Variants in STK3 observed in about 807,000 individuals in gnomAD.
The protein encoded by STK3 is serine/threonine-protein kinase 3.
Under a neutral mutation model 58.0 loss-of-function variants are expected in STK3, and 41 were observed. That is an observed-to-expected ratio of 0.71 (90% CI 0.55 to 0.92). The LOEUF is 0.92. STK3 is among the 40% of genes least tolerant of loss of function. The pLI, the probability that STK3 is intolerant of heterozygous loss-of-function variation, is 0.00. For missense variants in STK3, 479 were observed against 602.7 expected (o/e 0.79, Z 2.15); for synonymous variants, 170 against 191.0 (o/e 0.89, Z 0.91).
At chr8:98,476,393 G>C (rs1821311475) in intron 10 of STK3, among the ~76,000 whole-genome samples, 1 of 152,134 alleles carries the variant, frequency 6.6e-6, no homozygotes, top group Non-Finnish European at 1.5e-5. Flanking sequence ...GAATTACAAA[G>C]GACACTGACA....
At chr8:98,564,231 CCAAAACTCT>C (rs1812287992) in intron 8 of STK3, among the ~76,000 whole-genome samples, 1 of 152,026 alleles carries the variant, frequency 6.6e-6, no homozygotes, top group Non-Finnish European at 1.5e-5. Flanking sequence ...CCATTATTAC[CCAAAACTCT>C]CAAGGTCACC....
At chr8:98,864,769 A>G (rs1019263765) in intron 3 of STK3, among the ~76,000 whole-genome samples, 14 of 152,210 alleles carry the variant, frequency 9.2e-5, no homozygotes, top group African/African-American at 2.9e-4. Context: ...TATCTGTCAC[A>G]TAACACTCTG....
intron 10 of STK3, among the ~76,000 whole-genome samples, chr8:98,483,152 T>G (rs1370173694): frequency 6.6e-6 from 1 of 152,160 alleles, no homozygotes. Context: ...TAATTTCAGC[T>G]TGCTCAAGTC....
chr8:98,848,591 G>A (rs535968566), intron 3 of STK3, among the ~76,000 whole-genome samples: 195 of 152,194 alleles, frequency 1.3e-3, no homozygotes, highest in African/African-American at 4.4e-3. Flanking sequence ...TCATATGAAT[G>A]GAATCATATA....
chr8:98,615,100 G>A (rs1033331254), intron 6 of STK3, among the ~76,000 whole-genome samples: 4 of 151,622 alleles, frequency 2.6e-5, no homozygotes, highest in Admixed American at 1.3e-4. Flanking sequence ...CTCCCAGCAC[G>A]CAGCTGGAGA....
At chr8:98,671,704 C>T (rs189186311) in intron 6 of STK3, among the ~76,000 whole-genome samples, 3 of 152,168 alleles carry the variant, frequency 2.0e-5, no homozygotes, top group Non-Finnish European at 2.9e-5. Flanking sequence ...ACCTCAGCTT[C>T]CAGAGTAGCT....
intron 6 of STK3, among the ~76,000 whole-genome samples, chr8:98,695,856 G>C (rs892407850): frequency 6.6e-6 from 1 of 152,032 alleles, no homozygotes; most frequent in African/African-American, 2.4e-5. Context: ...GGCTCTTTTT[G>C]GGTTCCATAT....
intron 1 of STK3, among the ~76,000 whole-genome samples, chr8:98,780,598 CATT>C (rs1247413324): frequency 6.6e-6 from 1 of 151,382 alleles, no homozygotes; most frequent in African/African-American, 2.4e-5. Context: ...TAAAAAATGT[CATT>C]ATTTTATTTT....
At chr8:98,369,758 A>C (rs973698021), downstream of STK3, among the ~76,000 whole-genome samples, 2 of 152,144 alleles carry the variant, frequency 1.3e-5, no homozygotes, top group African/African-American at 4.8e-5. Flanking sequence ...CCCACCCAAA[A>C]TTTTGTTCAA....
chr8:98,711,955 C>T (rs1190726207), intron 4 of STK3, among the ~76,000 whole-genome samples: 1 of 152,176 alleles, frequency 6.6e-6, no homozygotes, highest in Non-Finnish European at 1.5e-5. Flanking sequence ...ACTCTACAAG[C>T]CAGAAGACAG....
intron 6 of STK3, among the ~76,000 whole-genome samples, chr8:98,696,958 T>C (rs1249384099): frequency 6.6e-6 from 1 of 152,230 alleles, no homozygotes; most frequent in East Asian, 1.9e-4. Flanking sequence ...GTACCTCTGG[T>C]AGAATTCGGC....
chr8:98,552,247 T>C (rs946034970), intron 8 of STK3, among the ~76,000 whole-genome samples: 1 of 152,120 alleles, frequency 6.6e-6, no homozygotes, highest in Non-Finnish European at 1.5e-5. Context: ...ACTGTTCTTA[T>C]TGTTTCCATT....
At chr8:98,355,841 C>T in the STK3 span, among the ~76,000 whole-genome samples, 11 of 152,174 alleles carry the variant, frequency 7.2e-5, no homozygotes, top group African/African-American at 2.7e-4. Context: ...ATTTCCTGGT[C>T]CCCTGAGGTT....
Position 98,744,589 on chromosome 8 carries a change from G to C in STK3, c.351+4687C>G, listed in dbSNP as rs1387202935. On this transcript the variant is annotated intron_variant, in intron 4 of 10. Transcript: ENST00000419617. ...GCACTCTGGGGACTGTTGTGGGGTG[G>C]GGGGTGGGGGGAGGGATAGCATTAG... is the stretch of plus-strand genomic sequence containing the variant. 2.8e-5 allele frequency among the ~76,000 whole-genome samples: 3 copies of C among 107,410 alleles called. No individual in the cohort carries two copies. The East Asian group carries it at 1.0e-3, about 36-fold the overall frequency. The allele number at this position is 107,410 out of a possible 152,430, so 70.5% of individuals were successfully genotyped here.
At chr8:98,478,964 T>A (rs1242576474) in intron 10 of STK3, among the ~76,000 whole-genome samples, 1 of 152,216 alleles carries the variant, frequency 6.6e-6, no homozygotes, top group African/African-American at 2.4e-5. Context: ...GTGGCAGTGG[T>A]ACTTGCTGCT....
At chr8:98,861,319 T>C (rs1452602185) in intron 3 of STK3, among the ~76,000 whole-genome samples, 3 of 151,678 alleles carry the variant, frequency 2.0e-5, no homozygotes, top group Non-Finnish European at 4.4e-5. Flanking sequence ...TCTTGCAATG[T>C]ATTCTTAGGG....
At chr8:98,406,877 TG>T (rs1817999742) in intron 3 of STK3, among the ~76,000 whole-genome samples, 1 of 152,154 alleles carries the variant, frequency 6.6e-6, no homozygotes, top group African/African-American at 2.4e-5. Flanking sequence ...GACACATGCC[TG>T]GGGGTACAGC....
chr8:98,681,585 A>G (rs1197196508), intron 6 of STK3, among the ~76,000 whole-genome samples: 1 of 152,274 alleles, frequency 6.6e-6, no homozygotes, highest in Non-Finnish European at 1.5e-5. Context: ...CATAATACTT[A>G]AAATGAATGT....
At chr8:98,510,188 TAG>T (rs1824398672) in intron 10 of STK3, among the ~76,000 whole-genome samples, 1 of 152,126 alleles carries the variant, frequency 6.6e-6, no homozygotes, top group South Asian at 2.1e-4. Context: ...GAAGAATTAC[TAG>T]AGACAATAGA....
Sources: allele counts gnomAD v4.1 joint callset (sites outside exome capture counted in the v4.1 genomes callset), GRCh38; gene constraint gnomAD v4.1.1; transcripts MANE v1.5; gene names NCBI Gene and HGNC (gene_info 2026-07-23, HGNC 2026-07-21).